ABCA6: variants seen among roughly 807,000 people sequenced by gnomAD.
ABCA6 encodes the protein ATP-binding cassette sub-family A member 6.
ABCA6 carries 164 observed loss-of-function variants against 191.2 expected under a neutral mutation model. The ratio of observed to expected loss-of-function variants is 0.86; its 90% CI spans 0.76 to 0.98. The LOEUF (loss-of-function observed/expected upper bound fraction) is 0.98. ABCA6 is among the 50% of genes least tolerant of loss of function. ABCA6 has a pLI of 0.00. For missense variants in ABCA6, 1,958 were observed against 1,894.1 expected, an observed-to-expected ratio of 1.03 and a Z score of -0.63; for synonymous variants, 636 against 647.7, an observed-to-expected ratio of 0.98 and a Z score of 0.27.
chr17:69,134,602 G>T, intron 5 of ABCA6, 37 bp downstream of exon 5: 1 of 1,468,482 alleles, frequency 6.8e-7, no homozygotes, highest in Non-Finnish European at 9.5e-7. Flanking sequence ...GGAAGTAGCT[G>T]ACATTAATTA....
At chr17:69,112,419 G>C (rs1057452369) in intron 15 of ABCA6, 146 bp from the exon 16 acceptor site, 15 of 575,416 alleles carry the variant, frequency 2.6e-5, no homozygotes, top group Non-Finnish European at 4.3e-5. Context: ...TTTAACATTT[G>C]AAATACATAT....
intron 8 of ABCA6, among the ~76,000 whole-genome samples, chr17:69,125,556 G>C (rs539455821): frequency 6.6e-6 from 1 of 151,936 alleles, no homozygotes; most frequent in Non-Finnish European, 1.5e-5. Flanking sequence ...AAGCAATAAG[G>C]CTTATAAAAA....
intron 23 of ABCA6, among the ~76,000 whole-genome samples, chr17:69,097,217 C>A (rs1302625489): frequency 2.0e-5 from 3 of 152,228 alleles, no homozygotes; most frequent in Admixed American, 1.3e-4. Context: ...ATGGTGAAAG[C>A]CCATTTTGAC....
In ABCA6 at chr17:69,115,397, C is replaced by G. The variant is rs2073518413; in HGVS notation, c.1585G>C (p.Gly529Arg). 7 of 1,609,372 alleles carry G rather than the reference C, an allele frequency of 4.3e-6. No individual in the cohort carries two copies. Among genetic ancestry groups the G allele is most frequent in the Non-Finnish European group, 5.9e-6 (7 of 1,177,728 alleles). Residue 529 changes from glycine (G) to arginine (R), a missense_variant, in exon 12 of 39, where the codon GGA becomes CGA. Gly to Arg is a moderately radical substitution (Grantham distance 125). Transcript: ENST00000284425. ...GKSSLLNILN[G>R]LSVPTEGSVT... ...TCACCTTCTGTTGGAACAGACAATC[C>G]ATTAAGAATATTTAGCAGTGAAGAT...
chr17:69,140,549 T>C, intron 2 of ABCA6, 59 bp downstream of exon 2: 1 of 948,234 alleles, frequency 1.1e-6, no homozygotes, highest in Non-Finnish European at 1.6e-6. Flanking sequence ...AGAGAATCAG[T>C]AGGTAATGAA....
chr17:69,115,801 G>A (rs945619405), intron 11 of ABCA6: 3 of 169,012 alleles, frequency 1.8e-5, no homozygotes, highest in African/African-American at 7.1e-5. Flanking sequence ...TTAGAAAGAT[G>A]GTTTATTTAA....
At chr17:69,128,563 T>C (rs1374335932) in intron 8 of ABCA6, 56 bp downstream of exon 8, 14 of 1,396,226 alleles carry the variant, frequency 1.0e-5, no homozygotes, top group South Asian at 5.8e-5. Flanking sequence ...CTACAGCGTA[T>C]GAAGTATCTA....
Position 69,113,332 on chromosome 17 carries a change from C to A in ABCA6, c.1931G>T (p.Gly644Val). ...QILLLDEPTT[G>V]LDPFSRDQVW... is the part of the protein sequence containing the mutation. The stretch of plus-strand genomic sequence containing the variant: ...TTGATCTCTGGAAAAGGGATCCAAT[C>A]CAGTAGTTGGTTCATCTAAAAGCAA... Residue 644 changes from glycine (G) to valine (V), a missense_variant, in exon 15 of 39, where the codon GGA becomes GTA. By Grantham distance (109) the Gly-to-Val change is moderately radical. Transcript: ENST00000284425. The A allele has an allele frequency of 6.3e-7, 1 of 1,592,058 alleles. No homozygotes were observed. Among genetic ancestry groups the A allele is most frequent in the South Asian group, 1.2e-5 (1 of 86,704 alleles).
intron 11 of ABCA6, 73 bp downstream of exon 11, chr17:69,117,825 C>A (rs1453091078): frequency 8.9e-7 from 1 of 1,127,994 alleles, no homozygotes; most frequent in African/African-American, 1.6e-5. Flanking sequence ...CAAATTTTTT[C>A]ACATTGAATG....
chr17:69,102,777 A>G (rs576314436), intron 21 of ABCA6, 58 bp downstream of exon 21: 6 of 1,501,978 alleles, frequency 4.0e-6, no homozygotes, highest in Admixed American at 2.6e-5. Flanking sequence ...TGCAGTTTTA[A>G]AACAGCTAAA....
intron 25 of ABCA6, chr17:69,094,496 C>T (rs1179527698): frequency 6.5e-6 from 1 of 153,018 alleles, no homozygotes; most frequent in Non-Finnish European, 1.5e-5. Context: ...ATTTGAAATC[C>T]TGGAACTTGG....
chr17:69,105,298 CA>C, intron 20 of ABCA6, 163 bp downstream of exon 20: 1 of 696,242 alleles, frequency 1.4e-6, no homozygotes, highest in Non-Finnish European at 2.3e-6. Flanking sequence ...CTGTCATCTC[CA>C]AAATCAGAGT....
intron 10 of ABCA6, among the ~76,000 whole-genome samples, chr17:69,121,217 G>T (rs1003970718): frequency 1.3e-5 from 2 of 152,088 alleles, no homozygotes; most frequent in Non-Finnish European, 2.9e-5. Flanking sequence ...ATGCCACTAA[G>T]AAATGATCAC....
At position 69,134,667 on chromosome 17, in the gene ABCA6, T is replaced by C. The variant is rs147168219; in HGVS notation, c.536A>G (p.Gln179Arg). ...TATAATGGCAGTATTAATAGCTGTT[T>C]GTAAAGCCACAAATCCTCTATTCCA... ...KYWNRGFVAL[Q>R]TAINTAIIEI... The change falls in exon 5 of 39, where the codon CAA becomes CGA. Residue 179 changes from glutamine to arginine, a missense_variant. Transcript: ENST00000284425. The C allele has an allele frequency of 8.1e-6, 13 of 1,613,524 alleles. No homozygotes were observed. The highest frequency in any genetic ancestry group is 1.0e-5 in the Non-Finnish European group (12 of 1,179,838).
intron 6 of ABCA6, 31 bp from the exon 7 acceptor site, chr17:69,129,782 T>C: frequency 6.7e-7 from 1 of 1,494,682 alleles, no homozygotes; most frequent in Non-Finnish European, 9.1e-7. Context: ...ATATAAATTA[T>C]GTTAACTTAT....
chr17:69,113,443 C>A (rs2073471805), intron 14 of ABCA6, 83 bp from the exon 15 acceptor site: 15 of 1,515,950 alleles, frequency 9.9e-6, no homozygotes, highest in Middle Eastern at 3.9e-4. Flanking sequence ...CAATAAATAC[C>A]ATAAAATAAT....
chr17:69,099,392 G>A (rs1432383223), intron 22 of ABCA6: 1 of 152,122 alleles, frequency 6.6e-6, no homozygotes. Context: ...GTTTCTAATA[G>A]AGTAGCTATG....
intron 10 of ABCA6, among the ~76,000 whole-genome samples, chr17:69,122,596 T>C (rs550116041): frequency 6.6e-6 from 1 of 152,172 alleles, no homozygotes; most frequent in Admixed American, 6.6e-5. Context: ...TATTAGGATC[T>C]AAGAATTTCT....
At chr17:69,096,601 A>G in intron 24 of ABCA6, 27 bp downstream of exon 24, 1 of 1,400,716 alleles carries the variant, frequency 7.1e-7, no homozygotes, top group Non-Finnish European at 9.5e-7. Context: ...ACTTTATGAA[A>G]TTTGGTTTAT....
Sources: gnomAD v4.1 joint callset for allele counts (sites outside exome capture counted in the v4.1 genomes callset) on GRCh38, gnomAD v4.1.1 for gene constraint, MANE v1.5 for transcripts, NCBI Gene and HGNC (gene_info 2026-07-23, HGNC 2026-07-21) for gene names.